CACNG5: variants seen among roughly 807,000 people sequenced by gnomAD.
The protein encoded by CACNG5 is calcium voltage-gated channel auxiliary subunit gamma 5.
CACNG5 carries 18 observed loss-of-function variants against 24.8 expected under a neutral mutation model. The ratio of observed to expected loss-of-function variants is 0.73; its 90% CI spans 0.50 to 1.08. CACNG5 has a LOEUF of 1.08. Ranked by LOEUF, CACNG5 falls within the 50% of genes least tolerant of loss-of-function variation. The probability of loss-of-function intolerance (pLI) is 0.00; values close to 1 mark genes in which losing one functional copy is unlikely to be tolerated. For missense variants in CACNG5, 349 were observed against 367.9 expected (o/e 0.95, Z 0.42); for synonymous variants, 157 against 149.1 (o/e 1.05, Z -0.39).
At chr17:66,868,853 C>G (rs7213186) in intron 1 of CACNG5, among the ~76,000 whole-genome samples, 1 of 152,090 alleles carries the variant, frequency 6.6e-6, no homozygotes, top group South Asian at 2.1e-4. Context: ...AGAAAAAACT[C>G]AAATCTCTCC....
chr17:66,862,723 G>A (rs1976881177), intron 1 of CACNG5, among the ~76,000 whole-genome samples: 2 of 139,600 alleles, frequency 1.4e-5, no homozygotes, highest in Non-Finnish European at 3.0e-5. Context: ...ATCTTAGCAT[G>A]ATTTTCTCAA....
At chr17:66,870,339 T>TTGGGC (rs1976988110) in intron 1 of CACNG5, among the ~76,000 whole-genome samples, 1 of 152,068 alleles carries the variant, frequency 6.6e-6, no homozygotes. Context: ...GGAAGTTTAA[T>TTGGGC]TGGGCTGTCA....
rs1212663172 is a variant in CACNG5 at position 66,893,980 on chromosome 17, A to G, written c.*8740A>G. On this transcript the variant is annotated 3_prime_UTR_variant, in exon 6 of 6. Coordinates refer to ENST00000533854, the MANE Select transcript of CACNG5 (RefSeq NM_145811.3). ...GAAATTCAGTGTTCCCCAGGGTTGCATGGGAATCCAATGGGGAGGGGATGG... is the reference window on the plus strand; with the variant it reads ...GAAATTCAGTGTTCCCCAGGGTTGCGTGGGAATCCAATGGGGAGGGGATGG... Among the ~76,000 whole-genome samples, 1 of 152,186 alleles carries G rather than the reference A, an allele frequency of 6.6e-6. No homozygotes were observed. Among genetic ancestry groups the G allele is most frequent in the Non-Finnish European group, 1.5e-5 (1 of 68,034 alleles).
intron 1 of CACNG5, among the ~76,000 whole-genome samples, chr17:66,855,138 A>G (rs896265517): frequency 6.6e-6 from 1 of 152,196 alleles, no homozygotes; most frequent in African/African-American, 2.4e-5. Flanking sequence ...ACCCCCCAAT[A>G]CAGGGATCAT....
intron 1 of CACNG5, among the ~76,000 whole-genome samples, chr17:66,876,119 C>T (rs1977074502): frequency 6.6e-6 from 1 of 152,208 alleles, no homozygotes; most frequent in African/African-American, 2.4e-5. Flanking sequence ...CTTTTCTAAC[C>T]AGCTGCATGG....
intron 1 of CACNG5, among the ~76,000 whole-genome samples, chr17:66,841,997 G>T (rs1598043301): frequency 1.3e-5 from 2 of 152,202 alleles, no homozygotes; most frequent in Non-Finnish European, 2.9e-5. Context: ...AGGAATCAGA[G>T]TATCTTCCAT....
rs1301470816 is a variant in CACNG5 at position 66,887,590 on chromosome 17, A to C, written c.*2350A>C. Among the ~76,000 whole-genome samples the C allele has an allele frequency of 6.6e-6, 1 of 152,110 alleles. No homozygotes were observed. The highest frequency in any genetic ancestry group is 2.4e-5 in the African/African-American group (1 of 41,386). ...TTAGGTAAGCGCTATTCCAATTTTT[A>C]TCAATGTAATTAGCTCCTAATTGCA... On this transcript the variant is annotated 3_prime_UTR_variant, in exon 6 of 6. Coordinates refer to ENST00000533854, the MANE Select transcript of CACNG5 (RefSeq NM_145811.3).
At chr17:66,858,729 G>T (rs994837636) in intron 1 of CACNG5, among the ~76,000 whole-genome samples, 1 of 134,372 alleles carries the variant, frequency 7.4e-6, no homozygotes, top group African/African-American at 2.8e-5. Flanking sequence ...CCCCTGAAGA[G>T]TGAAATCTCC....
rs111901251 is a variant in CACNG5, at chr17:66,885,786, T to A, written c.*546T>A. Among the ~76,000 whole-genome samples the A allele has an allele frequency of 2.0e-3, 298 of 152,324 alleles. No individual in the cohort carries two copies. The highest frequency in any genetic ancestry group is 3.6e-3 in the Non-Finnish European group (243 of 68,018). On this transcript the variant is annotated 3_prime_UTR_variant, in exon 6 of 6. Transcript: ENST00000533854. ...TTCCTTCTGAACTCCTTTCTCCTTG[T>A]CACCCCTGTCCCTCCACATGACACA...
At chr17:66,858,486 C>A (rs770204915) in intron 1 of CACNG5, among the ~76,000 whole-genome samples, 20 of 152,292 alleles carry the variant, frequency 1.3e-4, no homozygotes, top group Admixed American at 6.5e-4. Flanking sequence ...GGGCCTCCCC[C>A]ACCCGCCACG....
rs1202304621 is a variant in CACNG5, at chr17:66,888,182, C to CTTTTTTTTT, written c.*2954_*2962dup. ...CCCACACCTGGAACTTACTACCCTACTTTTTTTTTTTTTTTTTTTTGAGAT... is the reference window on the plus strand; with the variant it reads ...CCCACACCTGGAACTTACTACCCTACTTTTTTTTTTTTTTTTTTTTTTTTTTTTTGAGAT... On this transcript the variant is annotated 3_prime_UTR_variant, in exon 6 of 6. Coordinates refer to ENST00000533854, the MANE Select transcript of CACNG5 (RefSeq NM_145811.3). Among the ~76,000 whole-genome samples the CTTTTTTTTT allele has an allele frequency of 1.7e-5, 2 of 118,636 alleles. No individual in the cohort carries two copies. Among genetic ancestry groups the CTTTTTTTTT allele is most frequent in the Non-Finnish European group, 3.4e-5 (2 of 58,826 alleles). The allele number at this position is 118,636 out of a possible 152,430, so 77.8% of individuals were successfully genotyped here.
In CACNG5 at chr17:66,890,460, A is replaced by G. The variant is rs886625654; in HGVS notation, c.*5220A>G. Among the ~76,000 whole-genome samples, 1 of 152,192 alleles carries G rather than the reference A, an allele frequency of 6.6e-6. No individual in the cohort carries two copies. The highest frequency in any genetic ancestry group is 2.4e-5 in the African/African-American group (1 of 41,438). ...CATGTCCTTGGTACTGGCAGAGCTG[A>G]GGTCTCTGGAGTCTCACATCCCTGA... On this transcript the variant is annotated 3_prime_UTR_variant, in exon 6 of 6. Coordinates refer to ENST00000533854, the MANE Select transcript of CACNG5 (RefSeq NM_145811.3).
intron 4 of CACNG5, among the ~76,000 whole-genome samples, chr17:66,881,426 A>G (rs913211674): frequency 2.0e-5 from 3 of 152,164 alleles, no homozygotes; most frequent in African/African-American, 7.2e-5. Context: ...AGCTGTCCTC[A>G]GGAGACTCCT....
rs767695865 is a variant in CACNG5, at chr17:66,879,015, C to T, written c.240C>T (p.Pro80=). Residue 80 remains proline, a synonymous_variant, in exon 3 of 6, where the codon CCC becomes CCT. Transcript: ENST00000533854. ...GRCFTIEYVM[P]MNTQLTSEST... The stretch of plus-strand genomic sequence containing the variant: ...GCTTCACCATAGAATATGTGATGCC[C>T]ATGAACACCCAGCTGACATCCGAGT... 6.2e-7 allele frequency: 1 copy of T among 1,613,788 alleles called. No homozygotes were observed. The highest frequency in any genetic ancestry group is 1.3e-5 in the African/African-American group (1 of 75,016).
intron 1 of CACNG5, among the ~76,000 whole-genome samples, chr17:66,858,672 GC>G (rs553274141): frequency 1.1e-4 from 16 of 145,696 alleles, no homozygotes; most frequent in East Asian, 2.0e-4. Flanking sequence ...GCAAGCTGCA[GC>G]CCCCCCTCCC....
At chr17:66,859,748 T>C (rs1192968323) in intron 1 of CACNG5, among the ~76,000 whole-genome samples, 1 of 152,026 alleles carries the variant, frequency 6.6e-6, no homozygotes, top group African/African-American at 2.4e-5. Flanking sequence ...CTAGCTCTAA[T>C]CATGGAGGGG....
Position 66,889,699 on chromosome 17 carries a change from G to C in CACNG5, c.*4459G>C, listed in dbSNP as rs1469569186. 6.6e-6 allele frequency among the ~76,000 whole-genome samples: 1 copy of C among 152,208 alleles called. No individual in the cohort carries two copies. The highest frequency in any genetic ancestry group is 1.9e-4 in the East Asian group (1 of 5,200). On this transcript the variant is annotated 3_prime_UTR_variant, in exon 6 of 6. Transcript: ENST00000533854. ...TCCTGGCAGAAATCCTGGCTGCTCA[G>C]GGGAGGTCAGCCTTTGTTCTATTCA...
chr17:66,882,224 G>A (rs966727831), intron 4 of CACNG5, among the ~76,000 whole-genome samples: 1 of 152,188 alleles, frequency 6.6e-6, no homozygotes, highest in Non-Finnish European at 1.5e-5. Flanking sequence ...AAGAGTCAAG[G>A]TAAGTGCCAA....
At chr17:66,880,953 GA>G (rs1159423140) in intron 4 of CACNG5, among the ~76,000 whole-genome samples, 1 of 152,194 alleles carries the variant, frequency 6.6e-6, no homozygotes, top group Non-Finnish European at 1.5e-5. Flanking sequence ...TGGCCAGGTT[GA>G]TCTTGATCTC....
Sources: gnomAD v4.1 joint callset for allele counts (sites outside exome capture counted in the v4.1 genomes callset) on GRCh38, gnomAD v4.1.1 for gene constraint, MANE v1.5 for transcripts, NCBI Gene and HGNC (gene_info 2026-07-23, HGNC 2026-07-21) for gene names.